DGKI: variants seen among roughly 807,000 people sequenced by gnomAD.
DGKI encodes DAG kinase iota.
DGKI carries 55 observed loss-of-function variants against 147.5 expected under a neutral mutation model. The ratio of observed to expected loss-of-function variants is 0.37; its 90% CI spans 0.30 to 0.47. The LOEUF (loss-of-function observed/expected upper bound fraction) is 0.47, where lower values mean the gene tolerates loss of function less well. DGKI is among the 20% of genes least tolerant of loss of function. The pLI, the probability that DGKI is intolerant of heterozygous loss-of-function variation, is 1.00. For synonymous variants in DGKI, 469 were observed against 477.1 expected, an observed-to-expected ratio of 0.98 and a Z score of 0.22; for missense variants, 1,007 against 1,323.8, an observed-to-expected ratio of 0.76 and a Z score of 3.71.
chr7:137,816,719 A>G (rs1797747178), intron 1 of DGKI, among the ~76,000 whole-genome samples: 1 of 152,254 alleles, frequency 6.6e-6, no homozygotes, highest in South Asian at 2.1e-4. Flanking sequence ...TTGTTTTGTA[A>G]TAGAGAGTGA....
At chr7:137,592,336 G>T (rs1457283683) in intron 12 of DGKI, among the ~76,000 whole-genome samples, 2 of 152,206 alleles carry the variant, frequency 1.3e-5, no homozygotes, top group Admixed American at 1.3e-4. Flanking sequence ...TGGGCCTAAT[G>T]ATTTTCCAGC....
intron 1 of DGKI, among the ~76,000 whole-genome samples, chr7:137,730,522 T>C (rs1255102708): frequency 6.6e-6 from 1 of 152,086 alleles, no homozygotes; most frequent in Admixed American, 6.6e-5. Flanking sequence ...CTCTAATCCA[T>C]CCTTCCCAAA....
intron 21 of DGKI, among the ~76,000 whole-genome samples, chr7:137,495,142 C>T (rs1815915025): frequency 6.6e-6 from 1 of 151,950 alleles, no homozygotes. Flanking sequence ...ATATAAAACA[C>T]CCTTAAAGAC....
At chr7:137,517,039 T>C (rs990840643) in intron 21 of DGKI, among the ~76,000 whole-genome samples, 1 of 151,664 alleles carries the variant, frequency 6.6e-6, no homozygotes, top group Non-Finnish European at 1.5e-5. Context: ...AGTCTTGACA[T>C]GATGGGGCAA....
intron 3 of DGKI, among the ~76,000 whole-genome samples, chr7:137,666,763 C>T (rs771099259): frequency 2.8e-4 from 42 of 152,092 alleles, no homozygotes; most frequent in Non-Finnish European, 5.1e-4. Flanking sequence ...CCCTCATGCT[C>T]ATGATACATT....
intron 21 of DGKI, among the ~76,000 whole-genome samples, chr7:137,520,107 G>A (rs2128951783): frequency 6.6e-6 from 1 of 152,014 alleles, no homozygotes; most frequent in African/African-American, 2.4e-5. Flanking sequence ...ATTACCTCCA[G>A]GAATGGTAGA....
chr7:137,467,067 T>G, intron 24 of DGKI, 125 bp from the exon 25 acceptor site: 2 of 831,974 alleles, frequency 2.4e-6, no homozygotes, highest in Non-Finnish European at 3.9e-6. Flanking sequence ...TCCTGGCCAG[T>G]CCCTAAATCT....
chr7:137,507,557 C>T (rs1198623177), intron 21 of DGKI, among the ~76,000 whole-genome samples: 7 of 152,148 alleles, frequency 4.6e-5, no homozygotes, highest in African/African-American at 1.7e-4. Flanking sequence ...TTTCTATCTT[C>T]ATTAATTTGG....
At chr7:137,717,949 G>A (rs1345895321) in intron 1 of DGKI, among the ~76,000 whole-genome samples, 1 of 152,170 alleles carries the variant, frequency 6.6e-6, no homozygotes, top group Non-Finnish European at 1.5e-5. Context: ...CCCAGCGGAA[G>A]GAGCTATCAT....
chr7:137,697,498 A>G (rs1823831688), intron 1 of DGKI, among the ~76,000 whole-genome samples: 1 of 152,220 alleles, frequency 6.6e-6, no homozygotes, highest in South Asian at 2.1e-4. Flanking sequence ...GAAATGCCTA[A>G]AAAGACTGCT....
chr7:137,700,886 T>TAAAC (rs1397367438), intron 1 of DGKI, among the ~76,000 whole-genome samples: 2 of 54,822 alleles, frequency 3.6e-5, no homozygotes, highest in African/African-American at 1.0e-4. Context: ...CTCAAATAAA[T>TAAAC]AAATAAATAA....
chr7:137,499,845 T>C (rs768108661), intron 21 of DGKI, among the ~76,000 whole-genome samples: 1 of 152,116 alleles, frequency 6.6e-6, no homozygotes, highest in African/African-American at 2.4e-5. Flanking sequence ...CTGTTACATA[T>C]CTACATATCC....
intron 21 of DGKI, among the ~76,000 whole-genome samples, chr7:137,509,877 T>G (rs990206624): frequency 1.3e-5 from 2 of 152,148 alleles, no homozygotes; most frequent in African/African-American, 4.8e-5. Context: ...TCCTTTTCTT[T>G]TTCTCTTTCC....
At chr7:137,504,597 CTTG>C (rs1816301592) in intron 21 of DGKI, among the ~76,000 whole-genome samples, 2 of 152,238 alleles carry the variant, frequency 1.3e-5, no homozygotes, top group South Asian at 4.1e-4. Flanking sequence ...TTAGAATAAG[CTTG>C]TTAACACTAT....
Position 137,589,103 on chromosome 7 carries a change from C to A in DGKI, c.1312-1893G>T, listed in dbSNP as rs192177662. 2.8e-3 allele frequency among the ~76,000 whole-genome samples: 423 copies of A among 152,304 alleles called. 2 individuals are homozygous for A. Among genetic ancestry groups the A allele is most frequent in the African/African-American group, 9.7e-3 (405 of 41,564 alleles). On this transcript the variant is annotated intron_variant, in intron 12 of 32. Coordinates refer to ENST00000614521, the MANE Select transcript of DGKI (RefSeq NM_001321708.2). ...AAGCAGTGGCATGTGATTTTTGGAA[C>A]CTGTGGAGATGAAGAAACCTTAAAC...
At chr7:137,636,059 A>G (rs3778789) in intron 6 of DGKI, among the ~76,000 whole-genome samples, 11,016 of 152,296 alleles carry the variant, frequency 0.072, 1,229 homozygotes, top group African/African-American at 0.24. Context: ...GATCCTGATC[A>G]TTAGGCACAG....
chr7:137,740,249 G>A (rs1795138289), intron 1 of DGKI, among the ~76,000 whole-genome samples: 1 of 152,194 alleles, frequency 6.6e-6, no homozygotes, highest in Non-Finnish European at 1.5e-5. Context: ...AATTCTGGAG[G>A]AAAGACCAGC....
At chr7:137,420,689 T>A (rs1257731993) in intron 28 of DGKI, among the ~76,000 whole-genome samples, 6 of 152,100 alleles carry the variant, frequency 3.9e-5, no homozygotes, top group Non-Finnish European at 8.8e-5. Context: ...AATTAAAAAT[T>A]CTGTCTTAGG....
chr7:137,744,480 G>A (rs552369264), intron 1 of DGKI, among the ~76,000 whole-genome samples: 2 of 152,232 alleles, frequency 1.3e-5, no homozygotes, highest in African/African-American at 4.8e-5. Context: ...AAGGAGAGCT[G>A]CTACCAATCC....
Sources: gnomAD v4.1 joint callset for allele counts (sites outside exome capture counted in the v4.1 genomes callset) on GRCh38, gnomAD v4.1.1 for gene constraint, MANE v1.5 for transcripts, NCBI Gene and HGNC (gene_info 2026-07-23, HGNC 2026-07-21) for gene names.